The following LRRC8D variants were observed in gnomAD, a reference collection of about 807,000 sequenced individuals.
LRRC8D encodes leucine rich repeat containing 8 VRAC subunit D, also known as volume-regulated anion channel subunit LRRC8D.
Under a neutral mutation model 55.8 loss-of-function variants are expected in LRRC8D, and 20 were observed. The ratio of observed to expected loss-of-function variants is 0.36; its 90% CI spans 0.25 to 0.52. The LOEUF (loss-of-function observed/expected upper bound fraction) is 0.52, where lower values mean the gene tolerates loss of function less well. Among genes scored for constraint, LRRC8D ranks in the 20% least tolerant of loss-of-function variants. The pLI is 0.93. For missense variants in LRRC8D, 651 were observed against 1,030.8 expected (o/e 0.63, Z 5.05); for synonymous variants, 352 against 377.0 (o/e 0.93, Z 0.77).
At chr1:89,898,330 C>G (rs1302623017) in intron 2 of LRRC8D, among the ~76,000 whole-genome samples, 1 of 152,198 alleles carries the variant, frequency 6.6e-6, no homozygotes, top group Admixed American at 6.5e-5. Context: ...TAGCCTTGTA[C>G]TCCACCTCTA....
At chr1:89,877,299 CT>C (rs1215759197) in intron 2 of LRRC8D, among the ~76,000 whole-genome samples, 1 of 151,722 alleles carries the variant, frequency 6.6e-6, no homozygotes, top group Non-Finnish European at 1.5e-5. Flanking sequence ...CCACTTACAG[CT>C]TTTTGACCTT....
At position 89,934,847 on chromosome 1, in the gene LRRC8D, C is replaced by T; in HGVS notation, c.1779C>T (p.Leu593=). The T allele has an allele frequency of 6.2e-7, 1 of 1,614,100 alleles. No individual in the cohort carries two copies. The highest frequency in any genetic ancestry group is 8.5e-7 in the Non-Finnish European group (1 of 1,180,016). ...SLRELRHLKI[L]HVKSNLTKVP... ...GAGAGTTGCGGCACCTTAAGATTCT[C>T]CACGTGAAGAGCAATTTGACCAAAG... is the stretch of plus-strand genomic sequence containing the variant. Residue 593 remains leucine (L), a synonymous_variant, in exon 3 of 3, where the codon CTC becomes CTT. Transcript: ENST00000337338. This position sits in a 1 kb window ranked among gnomAD's most constrained non-coding sequence, Gnocchi z 5.9.
At chr1:89,890,976 G>A (rs967292531) in intron 2 of LRRC8D, among the ~76,000 whole-genome samples, 3 of 152,140 alleles carry the variant, frequency 2.0e-5, no homozygotes, top group Non-Finnish European at 4.4e-5. Context: ...CCGCCTCCCG[G>A]GTTCACACCA....
chr1:89,870,486 A>AT (rs1491541048), intron 2 of LRRC8D, among the ~76,000 whole-genome samples: 1 of 152,024 alleles, frequency 6.6e-6, no homozygotes, highest in Non-Finnish European at 1.5e-5. Flanking sequence ...AAAAAAAAAA[A>AT]GAAGAAGATA....
intron 2 of LRRC8D, among the ~76,000 whole-genome samples, chr1:89,871,148 G>A (rs1396588088): frequency 6.6e-6 from 1 of 152,182 alleles, no homozygotes; most frequent in South Asian, 2.1e-4. Context: ...ATTTGCCACT[G>A]CTAGAAGGTA....
At chr1:89,927,938 C>T (rs1012799981) in intron 2 of LRRC8D, among the ~76,000 whole-genome samples, 2 of 152,224 alleles carry the variant, frequency 1.3e-5, no homozygotes, top group African/African-American at 4.8e-5. Flanking sequence ...TCACCATTAT[C>T]ATCACCACTA....
intron 2 of LRRC8D, among the ~76,000 whole-genome samples, chr1:89,899,432 T>C (rs1662793569): frequency 6.6e-6 from 1 of 152,226 alleles, no homozygotes; most frequent in Non-Finnish European, 1.5e-5. Context: ...TCTGACAGTG[T>C]TGGCAGTTAA....
Position 89,890,284 on chromosome 1 carries a change from C to T in LRRC8D, c.-2-42783C>T, listed in dbSNP as rs1010702497. Among the ~76,000 whole-genome samples the T allele has an allele frequency of 2.0e-5, 3 of 152,158 alleles. No homozygotes were observed. The South Asian group carries it at 6.2e-4, about 32-fold the overall frequency. Reference sequence around the variant, plus strand: ...CACACCCTAGGAGCCTGGGGGCCTCCGTGTTACAAAAGTGTTGATTGATGC... The same window carrying T: ...CACACCCTAGGAGCCTGGGGGCCTCTGTGTTACAAAAGTGTTGATTGATGC... On this transcript the variant is annotated intron_variant, in intron 2 of 2. Coordinates refer to ENST00000337338, the MANE Select transcript of LRRC8D (RefSeq NM_001134479.2).
At chr1:89,908,368 G>A (rs1257687094) in intron 2 of LRRC8D, among the ~76,000 whole-genome samples, 4 of 152,160 alleles carry the variant, frequency 2.6e-5, no homozygotes, top group Non-Finnish European at 5.9e-5. Context: ...GCGAGACTAA[G>A]TATTTCAACC....
chr1:89,923,784 C>G (rs1339531378), intron 2 of LRRC8D, among the ~76,000 whole-genome samples: 1 of 152,168 alleles, frequency 6.6e-6, no homozygotes, highest in Non-Finnish European at 1.5e-5. Context: ...ACACATACAA[C>G]CACCTGATCT....
At chr1:89,821,844 C>A (rs1394317816) in intron 1 of LRRC8D, 1 of 152,088 alleles carries the variant, frequency 6.6e-6, no homozygotes, top group African/African-American at 2.4e-5. Flanking sequence ...GCCCCGCCCC[C>A]CGCGCCTGTG....
At position 89,911,451 on chromosome 1, in the gene LRRC8D, C is replaced by T. The variant is rs866879645; in HGVS notation, c.-2-21616C>T. 2.6e-4 allele frequency among the ~76,000 whole-genome samples: 39 copies of T among 152,122 alleles called. No individual in the cohort carries two copies. Among genetic ancestry groups the T allele is most frequent in the Non-Finnish European group, 5.0e-4 (34 of 68,000 alleles). On this transcript the variant is annotated intron_variant, in intron 2 of 2. Transcript: ENST00000337338. This position sits in a 1 kb window ranked among gnomAD's most constrained non-coding sequence, Gnocchi z 4.0. ...GCATACTTGAGTTATAGCTCCTTGT[C>T]GAAATGTGTTTGTATAATTTGACTT... is the stretch of plus-strand genomic sequence containing the variant.
At chr1:89,831,899 A>G (rs1304840674) in intron 1 of LRRC8D, among the ~76,000 whole-genome samples, 1 of 152,164 alleles carries the variant, frequency 6.6e-6, no homozygotes, top group African/African-American at 2.4e-5. Context: ...CCCCCATCCA[A>G]ACTATGACAT....
intron 1 of LRRC8D, among the ~76,000 whole-genome samples, chr1:89,823,833 T>G: frequency 6.6e-6 from 1 of 152,156 alleles, no homozygotes; most frequent in South Asian, 2.1e-4. Context: ...TGGAACCAGA[T>G]AAAAGTTTAT....
At chr1:89,842,767 C>A (rs959372623) in intron 1 of LRRC8D, among the ~76,000 whole-genome samples, 1 of 152,156 alleles carries the variant, frequency 6.6e-6, no homozygotes, top group South Asian at 2.1e-4. Flanking sequence ...CCACTTAAGT[C>A]AGAGTTCAAC....
chr1:89,891,686 A>G (rs1662583913), intron 2 of LRRC8D, among the ~76,000 whole-genome samples: 1 of 152,228 alleles, frequency 6.6e-6, no homozygotes, highest in Admixed American at 6.5e-5. Context: ...AATAATGATA[A>G]CCACAATAAT....
chr1:89,919,980 A>G (rs1663371044), intron 2 of LRRC8D, among the ~76,000 whole-genome samples: 1 of 152,176 alleles, frequency 6.6e-6, no homozygotes, highest in Admixed American at 6.5e-5. Context: ...TGCTGGTGAT[A>G]GCTTGTAGAA....
chr1:89,874,412 C>T (rs899608290), intron 2 of LRRC8D, among the ~76,000 whole-genome samples: 1 of 149,690 alleles, frequency 6.7e-6, no homozygotes, highest in Non-Finnish European at 1.5e-5. Flanking sequence ...ATCTGTTTTC[C>T]TTTATTATTC....
intron 2 of LRRC8D, among the ~76,000 whole-genome samples, chr1:89,907,508 G>A (rs2816849): frequency 0.3 from 45,307 of 151,960 alleles, 7,168 homozygotes; most frequent in African/African-American, 0.4. Context: ...GTTTTAAATC[G>A]TGTATTGCCT....
Sources: gnomAD v4.1 joint callset for allele counts (sites outside exome capture counted in the v4.1 genomes callset) on GRCh38, gnomAD v4.1.1 for gene constraint, Gnocchi (gnomAD v3.1) non-coding constraint, MANE v1.5 for transcripts, NCBI Gene and HGNC (gene_info 2026-07-23, HGNC 2026-07-21) for gene names.